The following SGCZ variants were observed in gnomAD, a reference collection of about 807,000 sequenced individuals.
The protein encoded by SGCZ is sarcoglycan zeta.
A neutral mutation model predicts 41.3 loss-of-function variants in SGCZ; 40 were observed. The ratio of observed to expected loss-of-function variants is 0.97; its 90% CI spans 0.75 to 1.26. The LOEUF is 1.26. Among genes scored for constraint, SGCZ ranks in the 50% most tolerant of loss-of-function variants. The probability of loss-of-function intolerance (pLI) is 0.00; values close to 1 mark genes in which losing one functional copy is unlikely to be tolerated. For synonymous variants in SGCZ, 206 were observed against 137.5 expected (o/e 1.50, Z -3.49); for missense variants, 552 against 369.8 (o/e 1.49, Z -4.04).
At chr8:14,609,280 C>T (rs4831614) in intron 1 of SGCZ, among the ~76,000 whole-genome samples, 126,937 of 151,956 alleles carry the variant, frequency 0.84, 53,346 homozygotes, top group East Asian at 0.88. Context: ...TTCTTTGATT[C>T]GTTATTATAT....
intron 2 of SGCZ, among the ~76,000 whole-genome samples, chr8:14,354,428 T>C (rs1352210192): frequency 6.6e-6 from 1 of 151,884 alleles, no homozygotes; most frequent in Non-Finnish European, 1.5e-5. Flanking sequence ...TAAGATATTT[T>C]CTAAGGAAAA....
chr8:14,456,747 A>G (rs1285786670), intron 2 of SGCZ, among the ~76,000 whole-genome samples: 1 of 152,190 alleles, frequency 6.6e-6, no homozygotes, highest in African/African-American at 2.4e-5. Flanking sequence ...CTCATGTTGA[A>G]TTGTCATCTC....
chr8:14,972,947 T>G (rs985872002), intron 1 of SGCZ, among the ~76,000 whole-genome samples: 1 of 152,232 alleles, frequency 6.6e-6, no homozygotes, highest in Non-Finnish European at 1.5e-5. Flanking sequence ...TCCCTTTGTG[T>G]AGTTACATAT....
intron 1 of SGCZ, among the ~76,000 whole-genome samples, chr8:14,650,018 T>G (rs1414525914): frequency 2.0e-5 from 3 of 152,036 alleles, no homozygotes; most frequent in African/African-American, 4.8e-5. Context: ...AAACTATAGT[T>G]GGAAATTACT....
intron 2 of SGCZ, among the ~76,000 whole-genome samples, chr8:14,379,015 C>A (rs1478819075): frequency 6.6e-6 from 1 of 152,000 alleles, no homozygotes; most frequent in African/African-American, 2.4e-5. Context: ...TGATCATTAT[C>A]CCAGAATCTT....
chr8:14,522,101 C>A (rs909833963), intron 2 of SGCZ, among the ~76,000 whole-genome samples: 1 of 152,028 alleles, frequency 6.6e-6, no homozygotes, highest in Non-Finnish European at 1.5e-5. Context: ...AGTTTTGAGT[C>A]CCTGGTAGAA....
chr8:14,376,737 A>G (rs1804146191), intron 2 of SGCZ, among the ~76,000 whole-genome samples: 1 of 152,244 alleles, frequency 6.6e-6, no homozygotes, highest in Non-Finnish European at 1.5e-5. Context: ...GAAGAAAATT[A>G]CCAAACAACA....
At chr8:14,620,122 C>G (rs1192075467) in intron 1 of SGCZ, among the ~76,000 whole-genome samples, 3 of 152,112 alleles carry the variant, frequency 2.0e-5, no homozygotes, top group East Asian at 3.9e-4. Context: ...ACAGAGCCCT[C>G]CAAATAATAC....
At chr8:15,164,420 C>T (rs1179356757) in intron 1 of SGCZ, among the ~76,000 whole-genome samples, 1 of 152,102 alleles carries the variant, frequency 6.6e-6, no homozygotes. Flanking sequence ...AGGACTGGGA[C>T]GCATGGTCCA....
At chr8:14,555,025 T>A (rs1309451076) in intron 1 of SGCZ, 99 bp from the exon 2 acceptor site, 5 of 1,065,980 alleles carry the variant, frequency 4.7e-6, no homozygotes, top group Non-Finnish European at 6.7e-6. Context: ...ACAATGTACG[T>A]TAAAATAATT....
At chr8:14,977,534 T>A (rs1357642211) in intron 1 of SGCZ, among the ~76,000 whole-genome samples, 1 of 152,216 alleles carries the variant, frequency 6.6e-6, no homozygotes, top group South Asian at 2.1e-4. Flanking sequence ...GAGTTTATTA[T>A]GTTCCAGGCT....
chr8:14,706,525 T>A (rs577059785), intron 1 of SGCZ, among the ~76,000 whole-genome samples: 4 of 152,240 alleles, frequency 2.6e-5, no homozygotes, highest in Non-Finnish European at 4.4e-5. Flanking sequence ...CCATTTCATA[T>A]TCTTAATAGC....
chr8:14,151,054 G>C (rs1456392569), intron 5 of SGCZ, among the ~76,000 whole-genome samples: 1 of 151,990 alleles, frequency 6.6e-6, no homozygotes, highest in Non-Finnish European at 1.5e-5. Flanking sequence ...AGGTGAGGTG[G>C]GAATGGTTAT....
chr8:15,224,037 G>C (rs1390081555), intron 1 of SGCZ, among the ~76,000 whole-genome samples: 1 of 151,998 alleles, frequency 6.6e-6, no homozygotes, highest in Admixed American at 6.6e-5. Flanking sequence ...TGTATTTTTA[G>C]TAGAAACGGG....
chr8:15,220,987 G>C (rs925855182), intron 1 of SGCZ, among the ~76,000 whole-genome samples: 2 of 152,046 alleles, frequency 1.3e-5, no homozygotes, highest in Non-Finnish European at 2.9e-5. Context: ...CACAGGATGG[G>C]GAACATCACA....
intron 2 of SGCZ, among the ~76,000 whole-genome samples, chr8:14,453,004 G>C (rs1013702727): frequency 2.6e-5 from 4 of 152,092 alleles, no homozygotes; most frequent in Non-Finnish European, 5.9e-5. Flanking sequence ...TCGGGAGGCT[G>C]AGGCACAAGA....
At chr8:14,576,889 G>A (rs573003431) in intron 1 of SGCZ, among the ~76,000 whole-genome samples, 3 of 152,300 alleles carry the variant, frequency 2.0e-5, no homozygotes, top group African/African-American at 7.2e-5. Context: ...GAGCTATGAA[G>A]GATGGAAAGT....
chr8:14,781,412 A>G lies in SGCZ; in HGVS notation c.40-226486T>C, dbSNP rs147986616. Among the ~76,000 whole-genome samples the G allele has an allele frequency of 4.9e-3, 753 of 152,202 alleles. 1 individual carries two copies. The highest frequency in any genetic ancestry group is 0.01 in the East Asian group (53 of 5,152). ...CTCAGGTAATTTTTGTATTTTTAGT[A>G]GAGATGGGTTTTTGCCATGTTAACC... On this transcript the variant is annotated intron_variant, in intron 1 of 7. Transcript: ENST00000382080.
intron 2 of SGCZ, among the ~76,000 whole-genome samples, chr8:14,492,692 C>T (rs1224534724): frequency 1.3e-5 from 2 of 152,130 alleles, no homozygotes; most frequent in Non-Finnish European, 2.9e-5. Flanking sequence ...ATCTTCTGTG[C>T]CTCAAGGCTC....
Sources: gnomAD v4.1 joint callset for allele counts (sites outside exome capture counted in the v4.1 genomes callset) on GRCh38, gnomAD v4.1.1 for gene constraint, MANE v1.5 for transcripts, NCBI Gene and HGNC (gene_info 2026-07-23, HGNC 2026-07-21) for gene names.